DPP6: variants seen among roughly 807,000 people sequenced by gnomAD.
The protein encoded by DPP6 is A-type potassium channel modulatory protein DPP6.
In DPP6, 69 loss-of-function variants were observed where a neutral mutation model predicts 122.6. The ratio of observed to expected loss-of-function variants is 0.56; its 90% CI spans 0.46 to 0.69. The LOEUF is 0.69. Ranked by LOEUF, DPP6 falls within the 30% of genes least tolerant of loss-of-function variation. DPP6 has a pLI of 0.00. For synonymous variants in DPP6, 418 were observed against 433.1 expected, an observed-to-expected ratio of 0.97 and a Z score of 0.43; for missense variants, 928 against 1,116.9, an observed-to-expected ratio of 0.83 and a Z score of 2.41.
At chr7:153,850,383 C>A in the DPP6 span, among the ~76,000 whole-genome samples, 17 of 152,274 alleles carry the variant, frequency 1.1e-4, 1 homozygote, top group Admixed American at 9.8e-4. Flanking sequence ...TGACATTACA[C>A]AACATGGTAG....
chr7:154,406,459 A>C (rs1816109397), intron 1 of DPP6, among the ~76,000 whole-genome samples: 1 of 150,252 alleles, frequency 6.7e-6, no homozygotes, highest in Non-Finnish European at 1.5e-5. Flanking sequence ...GCACACATGC[A>C]CATGCACACG....
the DPP6 span, among the ~76,000 whole-genome samples, chr7:153,862,919 C>T: frequency 5.9e-5 from 9 of 151,804 alleles, no homozygotes; most frequent in East Asian, 1.9e-4. Flanking sequence ...CAAATCAATA[C>T]GTGAGAAAAG....
intron 16 of DPP6, among the ~76,000 whole-genome samples, chr7:154,827,466 TCTGCCCGC>T (rs2150511917): frequency 6.6e-6 from 1 of 152,088 alleles, no homozygotes; most frequent in South Asian, 2.1e-4. Context: ...GGTGGAGGCA[TCTGCCCGC>T]CTGGGAGCAC....
chr7:154,121,816 G>C (rs1030473419), intron 1 of DPP6, among the ~76,000 whole-genome samples: 8 of 152,282 alleles, frequency 5.3e-5, no homozygotes, highest in African/African-American at 1.9e-4. Context: ...GTTCCCACCA[G>C]AGCATGCCAG....
At chr7:154,774,878 C>T (rs1295930972) in intron 10 of DPP6, among the ~76,000 whole-genome samples, 1 of 152,146 alleles carries the variant, frequency 6.6e-6, no homozygotes, top group Non-Finnish European at 1.5e-5. Flanking sequence ...GTGAGAAGGG[C>T]TGTGGAAACG....
chr7:154,805,682 GT>G (rs535866479), intron 15 of DPP6, among the ~76,000 whole-genome samples: 3 of 152,014 alleles, frequency 2.0e-5, no homozygotes, highest in African/African-American at 4.8e-5. Flanking sequence ...AGGGGGACTG[GT>G]TTTTTTTCTA....
At chr7:154,783,172 T>C (rs1406344933) in intron 10 of DPP6, among the ~76,000 whole-genome samples, 3 of 152,160 alleles carry the variant, frequency 2.0e-5, no homozygotes, top group Non-Finnish European at 4.4e-5. Context: ...CTTTCTCCCC[T>C]AATTGCATGG....
chr7:154,482,897 G>A (rs142614406), intron 3 of DPP6, among the ~76,000 whole-genome samples: 2 of 152,276 alleles, frequency 1.3e-5, no homozygotes, highest in East Asian at 3.9e-4. Flanking sequence ...AGCTGGAATG[G>A]TGATTCTCTA....
At chr7:154,243,775 G>A (rs1040301156) in intron 1 of DPP6, among the ~76,000 whole-genome samples, 4 of 151,672 alleles carry the variant, frequency 2.6e-5, no homozygotes, top group South Asian at 2.1e-4. Flanking sequence ...CAGCCTGGGC[G>A]ACAGTGCAAG....
rs1223282536 is a variant in DPP6, at chr7:154,060,259, AC to A, written c.243+7202del. 3.4e-4 allele frequency among the ~76,000 whole-genome samples: 39 copies of A among 113,852 alleles called. 1 individual carries two copies. The highest frequency in any genetic ancestry group is 1.3e-3 in the African/African-American group (36 of 27,950). 74.7% of individuals were successfully genotyped at this position (113,852 alleles called of 152,430 possible). ...GATCCCCATCGCTGGGGGCGGAGGC[AC>A]CCCCCGCGAGGCAGGGACTGAGAGG... On this transcript the variant is annotated intron_variant, in intron 1 of 25. Coordinates refer to ENST00000377770, the MANE Select transcript of DPP6 (RefSeq NM_130797.4).
At chr7:154,224,526 A>G (rs1800487547) in intron 1 of DPP6, among the ~76,000 whole-genome samples, 1 of 149,124 alleles carries the variant, frequency 6.7e-6, no homozygotes, top group Non-Finnish European at 1.5e-5. Flanking sequence ...ATCAACTGCA[A>G]AGCTTCATCT....
chr7:154,773,321 C>G (rs936201914), intron 10 of DPP6, among the ~76,000 whole-genome samples: 7 of 152,168 alleles, frequency 4.6e-5, no homozygotes, highest in Admixed American at 3.9e-4. Flanking sequence ...TTTTTTAGAG[C>G]ATGGAGCAAT....
At chr7:153,931,918 C>CG (rs1381666743) in intron 1 of DPP6, among the ~76,000 whole-genome samples, 2 of 152,140 alleles carry the variant, frequency 1.3e-5, no homozygotes, top group African/African-American at 4.8e-5. Context: ...CTTCGTGCAC[C>CG]GGCTAATTTA....
At chr7:154,236,738 G>A (rs748315333) in intron 1 of DPP6, among the ~76,000 whole-genome samples, 1 of 152,054 alleles carries the variant, frequency 6.6e-6, no homozygotes, top group Non-Finnish European at 1.5e-5. Flanking sequence ...CCCTGACGTC[G>A]GTATTGCTGG....
intron 1 of DPP6, among the ~76,000 whole-genome samples, chr7:154,121,056 C>T (rs1347594804): frequency 6.6e-6 from 1 of 152,178 alleles, no homozygotes; most frequent in Non-Finnish European, 1.5e-5. Flanking sequence ...TTCCCCTTTG[C>T]TCGACTCTCA....
chr7:154,833,094 A>G lies in DPP6; in HGVS notation c.1667-20686A>G, dbSNP rs1800758155. 6.6e-6 allele frequency among the ~76,000 whole-genome samples: 1 copy of G among 152,210 alleles called. No homozygotes were observed. Among genetic ancestry groups the G allele is most frequent in the South Asian group, 2.1e-4 (1 of 4,828 alleles). On this transcript the variant is annotated intron_variant, in intron 16 of 25. Coordinates refer to ENST00000377770, the MANE Select transcript of DPP6 (RefSeq NM_130797.4). The surrounding 1 kb of genome is among the most constrained non-coding windows in gnomAD (Gnocchi z 4.3). ...ATTGGGAAACCAGTCAAGGGACCCAAGCTTGGGGAAGGGACTAGCACGTGC... is the reference window on the plus strand; with the variant it reads ...ATTGGGAAACCAGTCAAGGGACCCAGGCTTGGGGAAGGGACTAGCACGTGC...
intron 1 of DPP6, among the ~76,000 whole-genome samples, chr7:154,207,802 T>A (rs1302977925): frequency 6.6e-6 from 1 of 152,108 alleles, no homozygotes; most frequent in Non-Finnish European, 1.5e-5. Context: ...ATAATTTTTT[T>A]AACGTAGCCG....
At chr7:154,801,570 A>T in intron 13 of DPP6, 108 bp downstream of exon 13, 1 of 1,418,530 alleles carries the variant, frequency 7.0e-7, no homozygotes, top group Non-Finnish European at 9.3e-7. Flanking sequence ...ACCCCAAGGA[A>T]TCTGAAGGTG....
chr7:154,279,819 C>T (rs1269595688), intron 1 of DPP6, among the ~76,000 whole-genome samples: 3 of 152,162 alleles, frequency 2.0e-5, no homozygotes, highest in Non-Finnish European at 4.4e-5. Flanking sequence ...CTGGATTTAG[C>T]TCTAAATCAA....
Sources: allele counts gnomAD v4.1 joint callset (sites outside exome capture counted in the v4.1 genomes callset), GRCh38; gene constraint gnomAD v4.1.1; non-coding constraint Gnocchi (gnomAD v3.1); transcripts MANE v1.5; gene names NCBI Gene and HGNC (gene_info 2026-07-23, HGNC 2026-07-21).